The following CTNNA3 variants were observed in gnomAD, a reference collection of about 807,000 sequenced individuals.
The protein encoded by CTNNA3 is catenin alpha 3.
Under a neutral mutation model 95.7 loss-of-function variants are expected in CTNNA3, and 76 were observed. The ratio of observed to expected loss-of-function variants is 0.79; its 90% CI spans 0.66 to 0.96. The LOEUF (loss-of-function observed/expected upper bound fraction) is 0.96. Among genes scored for constraint, CTNNA3 ranks in the 40% least tolerant of loss-of-function variants. The pLI is 0.00. For missense variants in CTNNA3, 1,191 were observed against 1,089.8 expected (o/e 1.09, Z -1.31); for synonymous variants, 431 against 374.4 (o/e 1.15, Z -1.74).
At chr10:67,439,191 A>G (rs1846409136) in intron 5 of CTNNA3, among the ~76,000 whole-genome samples, 1 of 152,118 alleles carries the variant, frequency 6.6e-6, no homozygotes, top group African/African-American at 2.4e-5. Flanking sequence ...CCTTGCATCT[A>G]GAATACCAGC....
At chr10:66,936,029 T>C (rs1407188047) in intron 7 of CTNNA3, among the ~76,000 whole-genome samples, 1 of 152,160 alleles carries the variant, frequency 6.6e-6, no homozygotes, top group Non-Finnish European at 1.5e-5. Flanking sequence ...ATAGTGTTCC[T>C]TCCAGCCTGT....
intron 7 of CTNNA3, among the ~76,000 whole-genome samples, chr10:66,794,348 T>C (rs1364898396): frequency 1.3e-5 from 2 of 152,134 alleles, no homozygotes; most frequent in Non-Finnish European, 2.9e-5. Context: ...ATAAAGCAAG[T>C]CACATGGGTT....
intron 15 of CTNNA3, among the ~76,000 whole-genome samples, chr10:66,025,237 G>T (rs56302625): frequency 6.6e-6 from 1 of 151,884 alleles, no homozygotes; most frequent in African/African-American, 2.4e-5. Flanking sequence ...ATGAGGACAA[G>T]GTCACAGATT....
At chr10:67,111,909 A>G (rs1464056837) in intron 7 of CTNNA3, among the ~76,000 whole-genome samples, 1 of 152,116 alleles carries the variant, frequency 6.6e-6, no homozygotes, top group African/African-American at 2.4e-5. Flanking sequence ...TTATGGGGTG[A>G]AAAAAATCAT....
At chr10:66,315,607 T>C (rs925861222) in intron 12 of CTNNA3, among the ~76,000 whole-genome samples, 6 of 152,038 alleles carry the variant, frequency 3.9e-5, no homozygotes, top group Non-Finnish European at 7.4e-5. Context: ...TTCTGGTATT[T>C]CAGATTTATA....
intron 15 of CTNNA3, among the ~76,000 whole-genome samples, chr10:66,003,122 AATTGTCACCATCTAGAGGATCTATT>A (rs1336138782): frequency 6.6e-6 from 1 of 152,198 alleles, no homozygotes; most frequent in Non-Finnish European, 1.5e-5. Context: ...CCTATTTTGA[AATTGTCACCATCTAGAGGATCTATT>A]ATTAAAAACA....
At chr10:66,169,093 G>C (rs920333582) in intron 13 of CTNNA3, among the ~76,000 whole-genome samples, 5 of 151,986 alleles carry the variant, frequency 3.3e-5, no homozygotes, top group Admixed American at 3.3e-4. Context: ...AAGTTCTTTA[G>C]TGGTGATTTG....
At chr10:66,434,051 T>A (rs11814984) in intron 11 of CTNNA3, among the ~76,000 whole-genome samples, 1 of 152,050 alleles carries the variant, frequency 6.6e-6, no homozygotes, top group African/African-American at 2.4e-5. Context: ...TGCAGCCTTG[T>A]AGTGTAGTTT....
intron 9 of CTNNA3, among the ~76,000 whole-genome samples, chr10:66,757,908 G>T (rs1839431736): frequency 6.6e-6 from 1 of 152,012 alleles, no homozygotes; most frequent in Non-Finnish European, 1.5e-5. Context: ...TCAGCAAAAT[G>T]GTAATAATAG....
chr10:67,152,067 T>C (rs564175460), intron 7 of CTNNA3, among the ~76,000 whole-genome samples: 66 of 152,346 alleles, frequency 4.3e-4, no homozygotes, highest in African/African-American at 1.6e-3. Flanking sequence ...TCAGTGTTTG[T>C]CAAACTTTCT....
At chr10:66,728,458 G>A (rs766611234) in intron 9 of CTNNA3, among the ~76,000 whole-genome samples, 2 of 152,064 alleles carry the variant, frequency 1.3e-5, no homozygotes, top group Non-Finnish European at 2.9e-5. Context: ...GTCAATTTTT[G>A]CTTTTAATGC....
At chr10:66,103,419 G>A (rs972946285) in intron 13 of CTNNA3, among the ~76,000 whole-genome samples, 170 bp from the exon 14 acceptor site, 19 of 152,198 alleles carry the variant, frequency 1.2e-4, no homozygotes, top group African/African-American at 4.1e-4. Context: ...ACACAAATAC[G>A]TATACACAAA....
chr10:67,452,886 T>C (rs1847043230), intron 5 of CTNNA3, among the ~76,000 whole-genome samples: 1 of 152,204 alleles, frequency 6.6e-6, no homozygotes, highest in Non-Finnish European at 1.5e-5. Flanking sequence ...AAGACTAAAA[T>C]ATAATAGCAA....
At position 66,927,822 on chromosome 10, in the gene CTNNA3, A is replaced by T. The variant is rs1847157773; in HGVS notation, c.1048-152298T>A. 17 of 1,614,256 alleles carry T rather than the reference A, an allele frequency of 1.1e-5. No individual in the cohort carries two copies. The East Asian group carries it at 3.8e-4, about 36-fold the overall frequency. ...GTCAAGAGATTTTGGATTCTTGGAT[A>T]TCCCTCAATGACATCAGTCTTGCTG... is the stretch of plus-strand genomic sequence containing the variant. On this transcript the variant is annotated intron_variant, in intron 7 of 17. Coordinates refer to ENST00000433211, the MANE Select transcript of CTNNA3 (RefSeq NM_013266.4). This position sits in a 1 kb window ranked among gnomAD's most constrained non-coding sequence, Gnocchi z 4.7.
rs753297726 is a variant in CTNNA3 at position 67,402,228 on chromosome 10, T to G, written c.579+119614A>C. On this transcript the variant is annotated intron_variant, in intron 5 of 17. Coordinates refer to ENST00000433211, the MANE Select transcript of CTNNA3 (RefSeq NM_013266.4). ...ATGATTCAAGGGCTGAAAGGTGAAA[T>G]TCTCACTTAAAGAGAGACAAAAACT... is the stretch of plus-strand genomic sequence containing the variant. Among the ~76,000 whole-genome samples the G allele has an allele frequency of 1.2e-4, 19 of 152,274 alleles. No individual in the cohort carries two copies. In the East Asian group the frequency reaches 2.9e-3, roughly 23 times the overall value.
intron 13 of CTNNA3, among the ~76,000 whole-genome samples, chr10:66,243,431 C>T (rs2090184131): frequency 6.6e-6 from 1 of 152,164 alleles, no homozygotes; most frequent in South Asian, 2.1e-4. Context: ...ACTTCATATG[C>T]ATAATAAGAA....
chr10:66,797,811 T>C (rs558137103), intron 7 of CTNNA3, among the ~76,000 whole-genome samples: 1 of 152,022 alleles, frequency 6.6e-6, no homozygotes, highest in South Asian at 2.1e-4. Context: ...TTTTTCAGTC[T>C]ACAAATCAAG....
chr10:67,034,484 G>A lies in CTNNA3; in HGVS notation c.1047+145833C>T, dbSNP rs140235273. 2.0e-5 allele frequency among the ~76,000 whole-genome samples: 3 copies of A among 152,274 alleles called. No homozygotes were observed. In the East Asian group the frequency reaches 5.8e-4, roughly 29 times the overall value. ...GTGTCCAGTGCCTATACTCTCTAGT[G>A]TCTTAGGCTCTCCCTTTCTGGTTCC... On this transcript the variant is annotated intron_variant, in intron 7 of 17. Transcript: ENST00000433211.
chr10:67,521,740 T>C, intron 5 of CTNNA3, 102 bp downstream of exon 5: 2 of 1,417,462 alleles, frequency 1.4e-6, no homozygotes, highest in Non-Finnish European at 1.9e-6. Flanking sequence ...CTCTAACCAT[T>C]AGAAGATAAG....
Sources: gnomAD v4.1 joint callset for allele counts (sites outside exome capture counted in the v4.1 genomes callset) on GRCh38, gnomAD v4.1.1 for gene constraint, Gnocchi (gnomAD v3.1) non-coding constraint, MANE v1.5 for transcripts, NCBI Gene and HGNC (gene_info 2026-07-23, HGNC 2026-07-21) for gene names.